The following FOXP1 variants were observed in gnomAD, a reference collection of about 807,000 sequenced individuals.
The protein encoded by FOXP1 is forkhead box protein P1.
A neutral mutation model predicts 98.2 loss-of-function variants in FOXP1; 15 were observed. The observed-to-expected ratio is 0.15, with a 90% CI of 0.10 to 0.24. The LOEUF (loss-of-function observed/expected upper bound fraction) is 0.24. Ranked by LOEUF, FOXP1 falls within the 10% of genes least tolerant of loss-of-function variation. The pLI is 1.00. For missense variants in FOXP1, 633 were observed against 848.5 expected, an observed-to-expected ratio of 0.75 and a Z score of 3.15; for synonymous variants, 371 against 314.5, an observed-to-expected ratio of 1.18 and a Z score of -1.90.
At chr3:71,060,288 A>T (rs558851597) in intron 7 of FOXP1, among the ~76,000 whole-genome samples, 3 of 152,246 alleles carry the variant, frequency 2.0e-5, no homozygotes, top group African/African-American at 7.2e-5. Context: ...GTAGTTTCTC[A>T]TGCCTATTTC....
At chr3:71,137,309 C>T (rs1280570442) in intron 6 of FOXP1, among the ~76,000 whole-genome samples, 1 of 152,196 alleles carries the variant, frequency 6.6e-6, no homozygotes, top group African/African-American at 2.4e-5. Flanking sequence ...TTCAGCACAT[C>T]CTTGCCAGCC....
intron 4 of FOXP1, among the ~76,000 whole-genome samples, chr3:71,345,144 C>T (rs1375053097): frequency 5.9e-5 from 9 of 151,940 alleles, no homozygotes. Flanking sequence ...AATCCCAGCA[C>T]TTTGGGAGGC....
chr3:71,043,292 C>T (rs908231229), intron 10 of FOXP1, among the ~76,000 whole-genome samples: 2 of 152,088 alleles, frequency 1.3e-5, no homozygotes, highest in African/African-American at 4.8e-5. Flanking sequence ...GGATTTTGTC[C>T]CAAATGAGCA....
intron 12 of FOXP1, among the ~76,000 whole-genome samples, chr3:71,006,947 T>C (rs1178160731): frequency 6.6e-6 from 1 of 152,182 alleles, no homozygotes; most frequent in Non-Finnish European, 1.5e-5. Context: ...GAGGTGGCAC[T>C]GGGCCTGTTA....
Position 71,516,173 on chromosome 3 carries a change from T to A in FOXP1, c.-297-22618A>T, listed in dbSNP as rs1032280983. Among the ~76,000 whole-genome samples the A allele has an allele frequency of 7.9e-5, 12 of 152,294 alleles. No homozygotes were observed. The South Asian group carries it at 2.3e-3, about 29-fold the overall frequency. ...CTCCCGCTTGATTAATGTACTGCAG[T>A]TACGTAAAATAACGGCCTTGTAAGG... On this transcript the variant is annotated intron_variant, in intron 2 of 20. Transcript: ENST00000649528.
chr3:71,445,406 C>G (rs1416381372), intron 3 of FOXP1, among the ~76,000 whole-genome samples: 1 of 152,132 alleles, frequency 6.6e-6, no homozygotes, highest in Non-Finnish European at 1.5e-5. Context: ...ACATTTTAAC[C>G]ATGGAATATA....
At chr3:70,969,114 G>C (rs1003703568) in intron 19 of FOXP1, 20 of 141,350 alleles carry the variant, frequency 1.4e-4, no homozygotes, top group African/African-American at 5.6e-4. Flanking sequence ...AGAGGATGGA[G>C]GATCACTTTT....
intron 10 of FOXP1, among the ~76,000 whole-genome samples, chr3:71,044,954 C>G (rs1359480335): frequency 6.6e-6 from 1 of 152,092 alleles, no homozygotes; most frequent in African/African-American, 2.4e-5. Flanking sequence ...AAGCCATCAT[C>G]TCTCTGATAA....
chr3:71,178,091 C>G (rs1205851897), intron 6 of FOXP1, among the ~76,000 whole-genome samples: 1 of 150,662 alleles, frequency 6.6e-6, no homozygotes, highest in African/African-American at 2.4e-5. Context: ...GCCTCGGCCT[C>G]CCAAAGTGCT....
At chr3:71,080,907 G>A (rs2054335966) in intron 7 of FOXP1, among the ~76,000 whole-genome samples, 1 of 152,130 alleles carries the variant, frequency 6.6e-6, no homozygotes, top group Non-Finnish European at 1.5e-5. Context: ...TTGACTCAAT[G>A]AACCCATTTC....
At chr3:71,186,172 T>C (rs939062308) in intron 6 of FOXP1, among the ~76,000 whole-genome samples, 1 of 152,224 alleles carries the variant, frequency 6.6e-6, no homozygotes, top group African/African-American at 2.4e-5. Flanking sequence ...TATGTTTTTA[T>C]GTTAATTTTC....
intron 5 of FOXP1, among the ~76,000 whole-genome samples, chr3:71,200,962 C>T (rs1235118691): frequency 1.3e-5 from 2 of 152,130 alleles, no homozygotes; most frequent in Admixed American, 6.5e-5. Context: ...AACCCAAAGA[C>T]GTATATATTT....
At chr3:71,267,354 C>A (rs1055447885) in intron 5 of FOXP1, among the ~76,000 whole-genome samples, 5 of 151,976 alleles carry the variant, frequency 3.3e-5, no homozygotes, top group Non-Finnish European at 7.4e-5. Flanking sequence ...ACAGTAGATC[C>A]AGATGGAAAG....
Position 71,178,957 on chromosome 3 carries a change from C to T in FOXP1, c.180+19245G>A, listed in dbSNP as rs1345875148. Among the ~76,000 whole-genome samples the T allele has an allele frequency of 1.8e-4, 27 of 148,924 alleles. 1 individual carries two copies. Among genetic ancestry groups the T allele is most frequent in the Non-Finnish European group, 2.5e-4 (17 of 67,632 alleles). The stretch of plus-strand genomic sequence containing the variant: ...TGGTGGTGCATGCCTGTAATCCCAG[C>T]TACTTGAGAGGCTAAGGCATGAGAA... On this transcript the variant is annotated intron_variant, in intron 6 of 20. Transcript: ENST00000649528.
chr3:71,009,337 A>G (rs993579649), intron 12 of FOXP1, among the ~76,000 whole-genome samples: 92 of 152,128 alleles, frequency 6.0e-4, no homozygotes, highest in African/African-American at 2.2e-3. Context: ...TCCAAGGGAC[A>G]CAGCCATACT....
At chr3:71,481,123 G>C (rs1455077772) in intron 3 of FOXP1, among the ~76,000 whole-genome samples, 1 of 152,166 alleles carries the variant, frequency 6.6e-6, no homozygotes. Context: ...TTGCTGTAAT[G>C]ATCACAAACC....
intron 4 of FOXP1, among the ~76,000 whole-genome samples, chr3:71,328,418 T>G (rs1475913379): frequency 6.6e-6 from 1 of 152,264 alleles, no homozygotes; most frequent in Non-Finnish European, 1.5e-5. Context: ...GGGTTGATCC[T>G]GCCATCAAAA....
At position 71,053,771 on chromosome 3, in the gene FOXP1, A is replaced by G; in HGVS notation, c.285T>C (p.Val95=). 1 of 1,613,986 alleles carries G rather than the reference A, an allele frequency of 6.2e-7. No homozygotes were observed. Among genetic ancestry groups the G allele is most frequent in the Non-Finnish European group, 8.5e-7 (1 of 1,179,962 alleles). ...KRNDKQPALQ[V]PVSVAMMTPQ... ...GTGTCATCATAGCCACTGACACGGG[A>G]ACCTAGAATGTTAATGAAGGATAAA... is the stretch of plus-strand genomic sequence containing the variant. Residue 95 remains valine, a splice_region_variant and synonymous_variant, in exon 8 of 21, where the codon GTT becomes GTC. Coordinates refer to ENST00000649528, the MANE Select transcript of FOXP1 (RefSeq NM_001349338.3).
chr3:71,198,709 T>G (rs183102699), intron 5 of FOXP1, among the ~76,000 whole-genome samples: 1 of 152,126 alleles, frequency 6.6e-6, no homozygotes, highest in African/African-American at 2.4e-5. Context: ...CTTTTTTTTT[T>G]TGAGATGGAG....
Sources: allele counts gnomAD v4.1 joint callset (sites outside exome capture counted in the v4.1 genomes callset), GRCh38; gene constraint gnomAD v4.1.1; transcripts MANE v1.5; gene names NCBI Gene and HGNC (gene_info 2026-07-23, HGNC 2026-07-21).